HEATR5B: variants seen among roughly 807,000 people sequenced by gnomAD.
The protein encoded by HEATR5B is HEAT repeat-containing protein 5B.
A neutral mutation model predicts 224.1 loss-of-function variants in HEATR5B; 156 were observed. The observed-to-expected ratio is 0.70, with a 90% CI of 0.61 to 0.80. The LOEUF (loss-of-function observed/expected upper bound fraction) is 0.80. HEATR5B is among the 30% of genes least tolerant of loss of function. HEATR5B has a pLI of 0.00. For synonymous variants in HEATR5B, 1,027 were observed against 893.0 expected (o/e 1.15, Z -2.68); for missense variants, 2,323 against 2,535.5 (o/e 0.92, Z 1.80).
At chr2:37,030,754 A>G (rs1196061190) in intron 22 of HEATR5B, among the ~76,000 whole-genome samples, 1 of 152,216 alleles carries the variant, frequency 6.6e-6, no homozygotes, top group East Asian at 1.9e-4. Flanking sequence ...GAGGTTAAAG[A>G]TATTTGTTAT....
At chr2:37,079,885 A>C (rs1672448120) in intron 2 of HEATR5B, among the ~76,000 whole-genome samples, 1 of 152,226 alleles carries the variant, frequency 6.6e-6, no homozygotes, top group South Asian at 2.1e-4. Context: ...AGTGAACAAA[A>C]TAGACAAACA....
chr2:36,999,756 T>C (rs1388533568), intron 33 of HEATR5B, among the ~76,000 whole-genome samples: 4 of 151,274 alleles, frequency 2.6e-5, no homozygotes, highest in Non-Finnish European at 5.9e-5. Context: ...CTCACGTCTG[T>C]AATGCTAGCA....
chr2:37,047,881 C>T (rs999085714), intron 18 of HEATR5B, among the ~76,000 whole-genome samples: 1 of 152,080 alleles, frequency 6.6e-6, no homozygotes, highest in African/African-American at 2.4e-5. Flanking sequence ...ATCTAAGACA[C>T]CATCGTTTTA....
chr2:37,019,780 A>G, intron 26 of HEATR5B, 29 bp downstream of exon 26: 1 of 1,439,418 alleles, frequency 6.9e-7, no homozygotes, highest in Non-Finnish European at 9.7e-7. Flanking sequence ...ATAGAAGACA[A>G]CTATACAAAG....
intron 20 of HEATR5B, among the ~76,000 whole-genome samples, chr2:37,038,289 G>A (rs751982361): frequency 3.9e-5 from 6 of 152,020 alleles, no homozygotes; most frequent in South Asian, 2.1e-4. Context: ...ACAAGCACGC[G>A]CCACCACGCC....
intron 33 of HEATR5B, among the ~76,000 whole-genome samples, chr2:36,995,063 G>A (rs373532571): frequency 4.2e-5 from 6 of 142,362 alleles, no homozygotes; most frequent in East Asian, 2.0e-4. Context: ...AATTCTCAAC[G>A]ATTTCTTCGT....
intron 11 of HEATR5B, 75 bp downstream of exon 11, chr2:37,061,864 C>A: frequency 6.0e-6 from 5 of 828,594 alleles, no homozygotes; most frequent in Non-Finnish European, 9.9e-6. Flanking sequence ...AAGCTTAACA[C>A]TTTTAAATTA....
intron 33 of HEATR5B, among the ~76,000 whole-genome samples, chr2:36,995,223 G>A (rs1404579362): frequency 1.3e-5 from 2 of 151,042 alleles, no homozygotes; most frequent in Non-Finnish European, 2.9e-5. Flanking sequence ...CTGAGTAGCT[G>A]GGATTACAGG....
intron 35 of HEATR5B, among the ~76,000 whole-genome samples, chr2:36,984,505 A>G (rs1020083361): frequency 1.3e-5 from 2 of 151,904 alleles, no homozygotes; most frequent in Non-Finnish European, 2.9e-5. Flanking sequence ...AAATTCTATG[A>G]AGGGTAAAAT....
chr2:37,011,230 A>G (rs564344048), intron 27 of HEATR5B, among the ~76,000 whole-genome samples: 1 of 152,284 alleles, frequency 6.6e-6, no homozygotes, highest in East Asian at 1.9e-4. Context: ...ACAAAAGTTG[A>G]CTTGCTCATA....
chr2:37,056,681 G>C, intron 15 of HEATR5B, 66 bp from the exon 16 acceptor site: 1 of 1,347,008 alleles, frequency 7.4e-7, no homozygotes, highest in African/African-American at 1.5e-5. Context: ...TAAACATTGG[G>C]AATGAGGATT....
intron 25 of HEATR5B, 89 bp from the exon 26 acceptor site, chr2:37,019,966 C>CCGA: frequency 1.2e-6 from 1 of 861,146 alleles, no homozygotes; most frequent in Non-Finnish European, 1.8e-6. Flanking sequence ...TGCAGTGGTG[C>CCGA]GATCTCGGCT....
chr2:37,065,110 C>T (rs972624930), intron 9 of HEATR5B, 120 bp from the exon 10 acceptor site: 3 of 996,108 alleles, frequency 3.0e-6, no homozygotes, highest in Non-Finnish European at 2.9e-6. Context: ...ACATATAGAT[C>T]CACAACTTTG....
intron 32 of HEATR5B, 122 bp from the exon 33 acceptor site, chr2:37,000,935 A>G: frequency 1.6e-6 from 1 of 641,570 alleles, no homozygotes; most frequent in South Asian, 2.0e-5. Flanking sequence ...TTGTCTTTAT[A>G]CAAAATTTAC....
intron 33 of HEATR5B, among the ~76,000 whole-genome samples, chr2:36,999,337 T>C (rs1666935446): frequency 6.6e-6 from 1 of 152,210 alleles, no homozygotes; most frequent in South Asian, 2.1e-4. Context: ...TTATTTTTAT[T>C]GTAAAACAAC....
chr2:36,996,527 C>G (rs1666723782), intron 33 of HEATR5B, among the ~76,000 whole-genome samples: 1 of 151,678 alleles, frequency 6.6e-6, no homozygotes, highest in Non-Finnish European at 1.5e-5. Flanking sequence ...AGCAATCCTT[C>G]CACCTTGGCC....
intron 33 of HEATR5B, among the ~76,000 whole-genome samples, chr2:37,000,217 A>G (rs1158091065): frequency 2.0e-5 from 3 of 151,968 alleles, no homozygotes; most frequent in African/African-American, 4.8e-5. Flanking sequence ...AGCTGGGATT[A>G]CAGGCACGTG....
At chr2:37,038,525 T>C (rs1669659519) in intron 20 of HEATR5B, among the ~76,000 whole-genome samples, 1 of 152,210 alleles carries the variant, frequency 6.6e-6, no homozygotes, top group African/African-American at 2.4e-5. Flanking sequence ...TGCCTTATCA[T>C]TATCACTTTT....
At chr2:37,077,611 A>G (rs1359859349) in intron 3 of HEATR5B, among the ~76,000 whole-genome samples, 3 of 152,192 alleles carry the variant, frequency 2.0e-5, no homozygotes, top group African/African-American at 4.8e-5. Context: ...CCCGGCCCCT[A>G]AGCTTTGCTT....
Sources: gnomAD v4.1 joint callset for allele counts (sites outside exome capture counted in the v4.1 genomes callset) on GRCh38, gnomAD v4.1.1 for gene constraint, MANE v1.5 for transcripts, NCBI Gene and HGNC (gene_info 2026-07-23, HGNC 2026-07-21) for gene names.